Variants in ADGRG1 observed in about 807,000 individuals in gnomAD.
The protein encoded by ADGRG1 is 7-transmembrane protein with no EGF-like N-terminal domains-1.
In ADGRG1, 53 loss-of-function variants were observed where a neutral mutation model predicts 73.5. The ratio of observed to expected loss-of-function variants is 0.72; its 90% CI spans 0.58 to 0.91. ADGRG1 has a LOEUF of 0.91. Among genes scored for constraint, ADGRG1 ranks in the 40% least tolerant of loss-of-function variants. The pLI is 0.00. For synonymous variants in ADGRG1, 394 were observed against 374.4 expected (o/e 1.05, Z -0.60); for missense variants, 795 against 871.8 (o/e 0.91, Z 1.11).
rs2045754090 is a variant in ADGRG1 at position 57,656,451 on chromosome 16, G to C, written c.1064-63G>C. On this transcript the variant is annotated intron_variant, in intron 8 of 13. Transcript: ENST00000562631. ...GAATGACACAGTCGTGCTTTTGGGGGTGGACACAGTGGGGTCCTGGAGGAC... is the reference window on the plus strand; with the variant it reads ...GAATGACACAGTCGTGCTTTTGGGGCTGGACACAGTGGGGTCCTGGAGGAC... 2.5e-6 allele frequency: 4 copies of C among 1,584,064 alleles called. No homozygotes were observed. In the South Asian group the frequency reaches 4.4e-5, roughly 18 times the overall value.
intron 11 of ADGRG1, chr16:57,660,460 C>T: frequency 1.2e-6 from 1 of 862,296 alleles, no homozygotes; most frequent in African/African-American, 1.8e-5. Context: ...AACTGTCTGC[C>T]CCTCCCATCT....
chr16:57,645,382 C>T (rs577747130), intron 1 of ADGRG1: 1 of 921,908 alleles, frequency 1.1e-6, no homozygotes, highest in Non-Finnish European at 1.3e-6. Context: ...CCACCACCCC[C>T]CAACCTGATG....
At chr16:57,637,268 A>G (rs2039593540) in intron 1 of ADGRG1, 1 of 972,516 alleles carries the variant, frequency 1.0e-6, no homozygotes, top group Non-Finnish European at 1.2e-6. Context: ...GGAATGTTGT[A>G]GGTGTGAAGT....
intron 1 of ADGRG1, chr16:57,641,340 C>T (rs2040768113): frequency 1.0e-6 from 1 of 985,046 alleles, no homozygotes; most frequent in Non-Finnish European, 1.2e-6. Context: ...GGAGGCTGGC[C>T]TCAGCTGCTC....
intron 13 of ADGRG1, 46 bp from the exon 14 acceptor site, chr16:57,663,406 G>T (rs755210892): frequency 6.2e-7 from 1 of 1,610,366 alleles, no homozygotes; most frequent in Non-Finnish European, 8.5e-7. Flanking sequence ...GGAGGGATGG[G>T]GTGGGGCTCC....
chr16:57,659,598 G>A lies in ADGRG1; in HGVS notation c.1472G>A (p.Gly491Glu). 2 of 1,613,986 alleles carry A rather than the reference G, an allele frequency of 1.2e-6. No homozygotes were observed. The highest frequency in any genetic ancestry group is 2.2e-5 in the East Asian group (1 of 44,878). Residue 491 changes from glycine (G) to glutamate (E), a missense_variant, in exon 11 of 14, where the codon GGG becomes GAG. Physicochemically the swap from Gly to Glu is moderately conservative, Grantham distance 98 (BLOSUM62 -2). Transcript: ENST00000562631. ...LTCLSWMGLE[G>E]YNLYRLVVEV... is the part of the protein sequence containing the mutation. Reference sequence around the variant, plus strand: ...TGCCTTTCCTGGATGGGCCTCGAGGGGTACAACCTCTACCGACTCGTGGTG... The same window carrying A: ...TGCCTTTCCTGGATGGGCCTCGAGGAGTACAACCTCTACCGACTCGTGGTG...
intron 1 of ADGRG1, chr16:57,630,331 T>A: frequency 1.0e-6 from 1 of 982,792 alleles, no homozygotes; most frequent in Non-Finnish European, 1.2e-6. Flanking sequence ...CCTGCCAATG[T>A]CCAGGTGTGG....
chr16:57,660,120 A>T (rs539188294), intron 11 of ADGRG1: 619 of 298,896 alleles, frequency 2.1e-3, no homozygotes, highest in African/African-American at 8.9e-3. Flanking sequence ...TTGGCCAATG[A>T]CTGTTCAATT....
chr16:57,645,179 A>G, intron 1 of ADGRG1: 2 of 985,450 alleles, frequency 2.0e-6, no homozygotes, highest in Non-Finnish European at 1.2e-6. Flanking sequence ...GTGCCCCAGC[A>G]GCCCACAGGA....
At chr16:57,624,848 G>T (rs1033840534), upstream of ADGRG1, 7 of 252,846 alleles carry the variant, frequency 2.8e-5, no homozygotes, top group Non-Finnish European at 4.4e-5. Flanking sequence ...CCTGGCCAAT[G>T]CATTGGGGTG....
At chr16:57,632,700 C>T (rs1037305028) in intron 1 of ADGRG1, 120 of 823,360 alleles carry the variant, frequency 1.5e-4, no homozygotes, top group Non-Finnish European at 1.6e-4. Context: ...CCCGAGCTGG[C>T]GCCTGCGCAG....
Position 57,651,330 on chromosome 16 carries a change from C to G in ADGRG1, c.195C>G (p.Leu65=). Residue 65 remains leucine, a synonymous_variant, in exon 3 of 14, where the codon CTC becomes CTG. Transcript: ENST00000562631. ...CCATCGAGAACTCCGAAGAGGCCCT[C>G]ACAGTCCATGCCCCTTTCCCTGCAG... ...RISIENSEEA[L]TVHAPFPAAH... 6.2e-7 allele frequency: 1 copy of G among 1,614,232 alleles called. No individual in the cohort carries two copies. Among genetic ancestry groups the G allele is most frequent in the Non-Finnish European group, 8.5e-7 (1 of 1,180,036 alleles).
chr16:57,661,877 G>C lies in ADGRG1; in HGVS notation c.1845G>C (p.Leu615=). The stretch of plus-strand genomic sequence containing the variant: ...TGGGCCTCAGCCTGGTCCTTGGCCT[G>C]CCCTGGGCCTTGATCTTCTTCTCCT... ...TLLGLSLVLG[L]PWALIFFSFA... is the part of the protein sequence containing the mutation. Residue 615 remains leucine (L), a synonymous_variant, in exon 13 of 14, where the codon CTG becomes CTC. Transcript: ENST00000562631. 1 of 1,614,244 alleles carries C rather than the reference G, an allele frequency of 6.2e-7. No individual in the cohort carries two copies. Among genetic ancestry groups the C allele is most frequent in the Non-Finnish European group, 8.5e-7 (1 of 1,180,022 alleles).
upstream of ADGRG1, among the ~76,000 whole-genome samples, chr16:57,625,106 A>G (rs1013727203): frequency 7.3e-5 from 11 of 151,574 alleles, no homozygotes; most frequent in Admixed American, 1.3e-4. Flanking sequence ...CTGTCCCTCA[A>G]AACGAAGGGT....
Position 57,663,523 on chromosome 16 carries a change from A to G in ADGRG1, c.2005A>G (p.Asn669Asp). Reference sequence around the variant, plus strand: ...GGGTGGCCCCTCCCCTCTGAAGAGCAACTCAGACAGCGCCAGGCTCCCCAT... The same window carrying G: ...GGGTGGCCCCTCCCCTCTGAAGAGCGACTCAGACAGCGCCAGGCTCCCCAT... ...ARGGPSPLKSNSDSARLPISS... is the reference protein window; with the variant it reads ...ARGGPSPLKSDSDSARLPISS... The change falls in exon 14 of 14, where the codon AAC (asparagine) becomes GAC (aspartate). Residue 669 changes from asparagine to aspartate, a missense_variant. Physicochemically the swap from Asn to Asp is conservative, Grantham distance 23 (BLOSUM62 1). Coordinates refer to ENST00000562631, the MANE Select transcript of ADGRG1 (RefSeq NM_201525.4). 5 of 1,613,818 alleles carry G rather than the reference A, an allele frequency of 3.1e-6. No individual in the cohort carries two copies. Among genetic ancestry groups the G allele is most frequent in the Non-Finnish European group, 4.2e-6 (5 of 1,179,842 alleles).
Position 57,636,549 on chromosome 16 carries a change from T to C in ADGRG1, c.-36+7747T>C, listed in dbSNP as rs2039415656. 2.3e-5 allele frequency: 23 copies of C among 985,066 alleles called. No homozygotes were observed. In the South Asian group the frequency reaches 1.0e-3, roughly 44 times the overall value. 61.0% of individuals were successfully genotyped at this position (985,066 alleles called of 1,614,324 possible). On this transcript the variant is annotated intron_variant, in intron 1 of 13. Transcript: ENST00000562631. ...TGGAGATGGCTCAGTGCTTGAACCC[T>C]CTCCATCCCCTATCCCCTACCCCTC...
chr16:57,654,262 A>G, intron 5 of ADGRG1, 129 bp downstream of exon 5: 3 of 900,806 alleles, frequency 3.3e-6, no homozygotes, highest in Admixed American at 4.9e-5. Context: ...AGAAGGTTCC[A>G]GGCCCGAGGA....
upstream of ADGRG1, chr16:57,622,770 G>C (rs1021794865): frequency 1.0e-6 from 1 of 985,170 alleles, no homozygotes; most frequent in Admixed American, 6.1e-5. Flanking sequence ...TTAGGAAGAC[G>C]GGGCGGCCAC....
intron 1 of ADGRG1, among the ~76,000 whole-genome samples, chr16:57,634,841 A>C (rs1328809467): frequency 6.6e-6 from 1 of 152,192 alleles, no homozygotes; most frequent in Non-Finnish European, 1.5e-5. Context: ...CTTAAGCATC[A>C]CATGGGTCTT....
Sources: gnomAD v4.1 joint callset for allele counts (sites outside exome capture counted in the v4.1 genomes callset) on GRCh38, gnomAD v4.1.1 for gene constraint, MANE v1.5 for transcripts, NCBI Gene and HGNC (gene_info 2026-07-23, HGNC 2026-07-21) for gene names.